TECPR2: variants seen among roughly 807,000 people sequenced by gnomAD.
The protein encoded by TECPR2 is tectonin beta-propeller repeat containing 2, also known as tectonin beta-propeller repeat-containing protein 2.
Under a neutral mutation model 138.1 loss-of-function variants are expected in TECPR2, and 65 were observed. The ratio of observed to expected loss-of-function variants is 0.47; its 90% CI spans 0.39 to 0.58. The LOEUF is 0.58. TECPR2 is among the 20% of genes least tolerant of loss of function. The pLI, the probability that TECPR2 is intolerant of heterozygous loss-of-function variation, is 0.00. For synonymous variants in TECPR2, 746 were observed against 749.8 expected (o/e 0.99, Z 0.08); for missense variants, 1,553 against 1,824.5 (o/e 0.85, Z 2.71).
intron 1 of TECPR2, among the ~76,000 whole-genome samples, chr14:102,369,308 A>G (rs962151098): frequency 3.9e-5 from 6 of 152,196 alleles, no homozygotes; most frequent in African/African-American, 1.4e-4. Context: ...CATCAAATCA[A>G]GCGGATGGAT....
chr14:102,388,077 A>G (rs1888062354), intron 2 of TECPR2, among the ~76,000 whole-genome samples: 2 of 152,216 alleles, frequency 1.3e-5, no homozygotes, highest in African/African-American at 4.8e-5. Flanking sequence ...CAGAAAGGAC[A>G]GTTTTTGTCT....
intron 1 of TECPR2, among the ~76,000 whole-genome samples, chr14:102,373,377 C>T (rs956306996): frequency 6.6e-6 from 1 of 152,162 alleles, no homozygotes; most frequent in African/African-American, 2.4e-5. Flanking sequence ...CTGTTTTTCA[C>T]TTTCAATATG....
At chr14:102,428,021 G>A (rs754574458) in intron 6 of TECPR2, among the ~76,000 whole-genome samples, 5 of 152,162 alleles carry the variant, frequency 3.3e-5, no homozygotes, top group East Asian at 1.9e-4. Context: ...TACGTGGGTC[G>A]GAGATGACCG....
intron 7 of TECPR2, among the ~76,000 whole-genome samples, chr14:102,431,365 C>T (rs1195728126): frequency 2.5e-4 from 28 of 111,508 alleles, no homozygotes; most frequent in Non-Finnish European, 4.5e-4. Context: ...TTTTTTGAGA[C>T]GGAGTCTCAC....
intron 12 of TECPR2, among the ~76,000 whole-genome samples, chr14:102,444,059 C>CGTCATGAGTCT (rs1255505022): frequency 1.8e-4 from 28 of 152,312 alleles, no homozygotes; most frequent in Admixed American, 3.9e-4. Flanking sequence ...AGCATCACAG[C>CGTCATGAGTCT]GTCATGAGTC....
intron 2 of TECPR2, among the ~76,000 whole-genome samples, chr14:102,391,779 G>GCT (rs1356878522): frequency 6.6e-6 from 1 of 152,050 alleles, no homozygotes; most frequent in African/African-American, 2.4e-5. Flanking sequence ...ATAGTGCTTT[G>GCT]CTCTTGTATT....
chr14:102,369,629 T>C (rs1887440393), intron 1 of TECPR2, among the ~76,000 whole-genome samples: 1 of 152,048 alleles, frequency 6.6e-6, no homozygotes, highest in Non-Finnish European at 1.5e-5. Context: ...TTTTGTCATG[T>C]TGCCCAGGCT....
At chr14:102,369,590 A>G (rs945585529) in intron 1 of TECPR2, among the ~76,000 whole-genome samples, 1 of 151,852 alleles carries the variant, frequency 6.6e-6, no homozygotes, top group African/African-American at 2.4e-5. Flanking sequence ...ACACCTGGCT[A>G]CTTTTTTGTA....
intron 17 of TECPR2, among the ~76,000 whole-genome samples, chr14:102,491,785 C>T (rs931360862): frequency 6.6e-6 from 1 of 152,220 alleles, no homozygotes; most frequent in South Asian, 2.1e-4. Context: ...CTCTCTGTTA[C>T]GCAGTATGGC....
chr14:102,408,355 C>A, intron 3 of TECPR2, 133 bp from the exon 4 acceptor site: 1 of 963,574 alleles, frequency 1.0e-6, no homozygotes, highest in Non-Finnish European at 1.5e-6. Flanking sequence ...GTGCAGGGTT[C>A]TGCTTGGAAA....
rs1447928488 is a variant in TECPR2, at chr14:102,376,645, TG to T, written c.-72-4del. 7.5e-7 allele frequency: 1 copy of T among 1,336,926 alleles called. No individual in the cohort carries two copies. The highest frequency in any genetic ancestry group is 1.4e-5 in the African/African-American group (1 of 69,348). The allele number at this position is 1,336,926 out of a possible 1,614,324, so 82.8% of individuals were successfully genotyped here. A position where few individuals can be genotyped will look rare whatever the true frequency, so the allele number is the denominator to read the frequency against. ...TTGAAAGGATTGTAATGCTTTGTTC[TG>T]TAGCCCCCAGGTTTCCCTAGATGAC... On this transcript the variant is annotated splice_polypyrimidine_tract_variant and splice_region_variant and intron_variant, in intron 1 of 19. Transcript: ENST00000359520.
chr14:102,411,698 TCAAAAAAAAAAAAAA>T (rs2084304286), intron 4 of TECPR2, among the ~76,000 whole-genome samples: 2 of 9,670 alleles, frequency 2.1e-4, no homozygotes, highest in South Asian at 0.01. Flanking sequence ...GCCATGTTGC[TCAAAAAAAAAAAAAA>T]AAAAAAAAAA....
rs1468803514 is a variant in TECPR2, at chr14:102,443,943, C to T, written c.2933+116C>T. ...CCTGGGAGGCAGCACCTGCAGCCTC[C>T]ATGGCTATAGGCTAAGCTTGAATCT... On this transcript the variant is annotated intron_variant, in intron 12 of 19. Transcript: ENST00000359520. This position sits in a 1 kb window ranked among gnomAD's most constrained non-coding sequence, Gnocchi z 4.9. The T allele has an allele frequency of 5.0e-6, 5 of 1,007,502 alleles. No individual in the cohort carries two copies. Among genetic ancestry groups the T allele is most frequent in the Non-Finnish European group, 6.9e-6 (5 of 719,762 alleles). The allele number at this position is 1,007,502 out of a possible 1,614,324, so 62.4% of individuals were successfully genotyped here.
chr14:102,437,776 A>G (rs1054282479), intron 9 of TECPR2, among the ~76,000 whole-genome samples: 4 of 152,188 alleles, frequency 2.6e-5, no homozygotes, highest in East Asian at 1.9e-4. Context: ...GTGTTAGAAC[A>G]GGAGAAAATG....
At chr14:102,467,986 G>T (rs1053515659) in intron 17 of TECPR2, among the ~76,000 whole-genome samples, 1 of 148,786 alleles carries the variant, frequency 6.7e-6, no homozygotes, top group African/African-American at 2.5e-5. Context: ...ACAGACATGT[G>T]CCTCCACGCC....
chr14:102,389,767 C>T (rs909402820), intron 2 of TECPR2, among the ~76,000 whole-genome samples: 1 of 152,186 alleles, frequency 6.6e-6, no homozygotes. Flanking sequence ...TTTGCCTTGT[C>T]TGTTTCTGCT....
At chr14:102,400,898 G>T (rs1038128627) in intron 2 of TECPR2, among the ~76,000 whole-genome samples, 7 of 151,964 alleles carry the variant, frequency 4.6e-5, no homozygotes, top group African/African-American at 1.7e-4. Flanking sequence ...GCCAGGCATG[G>T]TGGCGGGGAC....
intron 17 of TECPR2, among the ~76,000 whole-genome samples, chr14:102,472,023 C>T (rs1890662898): frequency 6.6e-6 from 1 of 152,222 alleles, no homozygotes; most frequent in Admixed American, 6.5e-5. Context: ...AGTGCAGAGG[C>T]AGGCTGCTGA....
intron 19 of TECPR2, 57 bp from the exon 20 acceptor site, chr14:102,498,046 T>TGCCCAAGCTCCCAGCTCCATCTGC: frequency 1.3e-6 from 2 of 1,582,502 alleles, no homozygotes; most frequent in Non-Finnish European, 8.6e-7. Context: ...GCTCCATCTG[T>TGCCCAAGCTCCCAGCTCCATCTGC]GCCCACCCCA....
Sources: allele counts gnomAD v4.1 joint callset (sites outside exome capture counted in the v4.1 genomes callset), GRCh38; gene constraint gnomAD v4.1.1; non-coding constraint Gnocchi (gnomAD v3.1); transcripts MANE v1.5; gene names NCBI Gene and HGNC (gene_info 2026-07-23, HGNC 2026-07-21).